The following USP54 variants were observed in gnomAD, a reference collection of about 807,000 sequenced individuals.
USP54 encodes ubiquitin specific peptidase 54, also known as ubiquitin carboxyl-terminal hydrolase 54.
In USP54, 87 loss-of-function variants were observed where a neutral mutation model predicts 170.5. That is an observed-to-expected ratio of 0.51 (90% CI 0.43 to 0.61). The LOEUF is 0.61. Among genes scored for constraint, USP54 ranks in the 20% least tolerant of loss-of-function variants. The pLI is 0.00. For missense variants in USP54, 1,786 were observed against 2,047.8 expected (o/e 0.87, Z 2.47); for synonymous variants, 655 against 742.8 (o/e 0.88, Z 1.92).
chr10:73,524,752 T>C (rs2062558254), intron 16 of USP54, among the ~76,000 whole-genome samples: 1 of 152,172 alleles, frequency 6.6e-6, no homozygotes, highest in South Asian at 2.1e-4. Context: ...GTAGATACTA[T>C]TACCCCCATT....
intron 4 of USP54, among the ~76,000 whole-genome samples, chr10:73,566,644 T>A (rs1344530251): frequency 6.6e-6 from 1 of 151,498 alleles, no homozygotes; most frequent in Non-Finnish European, 1.5e-5. Context: ...GGCAGGAGAA[T>A]CACTTGAACC....
intron 4 of USP54, among the ~76,000 whole-genome samples, chr10:73,548,911 A>C (rs1168878848): frequency 6.6e-6 from 1 of 152,200 alleles, no homozygotes; most frequent in Non-Finnish European, 1.5e-5. Context: ...TAAAATATCC[A>C]AGTTTTATTT....
At chr10:73,550,235 C>T (rs1328510332) in intron 4 of USP54, among the ~76,000 whole-genome samples, 1 of 152,156 alleles carries the variant, frequency 6.6e-6, no homozygotes, top group African/African-American at 2.4e-5. Context: ...TACTATTCTA[C>T]TTCTGGTTCA....
At chr10:73,504,735 C>A in intron 22 of USP54, 115 bp downstream of exon 22, 2 of 1,391,536 alleles carry the variant, frequency 1.4e-6, no homozygotes, top group Non-Finnish European at 2.0e-6. Context: ...GCTGAGTACA[C>A]AGGGCCTTTC....
chr10:73,552,657 G>A (rs2069780760), intron 4 of USP54, among the ~76,000 whole-genome samples: 1 of 151,922 alleles, frequency 6.6e-6, no homozygotes, highest in Non-Finnish European at 1.5e-5. Flanking sequence ...CAGGTGTGGT[G>A]GCAATCACCT....
rs769463961 is a variant in USP54, at chr10:73,523,711, T to C, written c.2234A>G (p.Gln745Arg). 2 of 1,613,820 alleles carry C rather than the reference T, an allele frequency of 1.2e-6. No individual in the cohort carries two copies. The highest frequency in any genetic ancestry group is 2.2e-5 in the East Asian group (1 of 44,868). Residue 745 changes from glutamine (Q) to arginine (R), a missense_variant, in exon 17 of 24, where the codon CAG becomes CGG. Around this residue, in one of 3 missense-constraint regions of USP54, gnomAD observed 1,418 missense variants for 1,569.0 expected, o/e 0.90. Transcript: ENST00000687698. ...CTGCGCCCTCCTGGCCACCTCTTCC[T>C]GCAATTCATCCAGTTCACTTTTAGA... ...ISSKSELDELQEEVARRAQEQ... is the reference protein window; with the variant it reads ...ISSKSELDELREEVARRAQEQ...
At chr10:73,604,624 A>G (rs1213095729) in intron 1 of USP54, among the ~76,000 whole-genome samples, 1 of 143,536 alleles carries the variant, frequency 7.0e-6, no homozygotes, top group Non-Finnish European at 1.5e-5. Context: ...AGAGTCTCGC[A>G]TTGTTGCCGA....
chr10:73,546,055 A>G (rs903678169), intron 4 of USP54, among the ~76,000 whole-genome samples: 4 of 152,242 alleles, frequency 2.6e-5, no homozygotes, highest in African/African-American at 9.6e-5. Context: ...GGTTCATCCT[A>G]TGAATCTTGA....
chr10:73,573,325 T>G (rs2075555216), intron 3 of USP54, among the ~76,000 whole-genome samples: 1 of 151,984 alleles, frequency 6.6e-6, no homozygotes, highest in Non-Finnish European at 1.5e-5. Context: ...GAAAGAAAAC[T>G]AATATGCATC....
Position 73,530,340 on chromosome 10 carries a change from G to A in USP54, c.1631C>T (p.Pro544Leu). 1.2e-6 allele frequency: 2 copies of A among 1,614,114 alleles called. No homozygotes were observed. Among genetic ancestry groups the A allele is most frequent in the Non-Finnish European group, 1.7e-6 (2 of 1,180,018 alleles). The stretch of plus-strand genomic sequence containing the variant: ...AGAGTGTAAAGGCAGGGTCCTAGGA[G>A]GTTTTTTGTCAGGCTGGTCTCCTCC... ...GRGGDQPDKK[P>L]PRTLPLHSRD... The change falls in exon 14 of 24, where the codon CCT becomes CTT. Residue 544 changes from proline (P) to leucine (L), a missense_variant. This residue lies in a region of USP54 where 1,418 missense variants were observed against 1,569.0 expected (regional missense o/e 0.90). Transcript: ENST00000687698.
intron 4 of USP54, among the ~76,000 whole-genome samples, chr10:73,561,695 A>G (rs2073099075): frequency 6.6e-6 from 1 of 152,160 alleles, no homozygotes; most frequent in South Asian, 2.1e-4. Flanking sequence ...AAGTTTTAAA[A>G]TGTTTGTAAT....
chr10:73,545,824 A>G, intron 4 of USP54, 152 bp from the exon 5 acceptor site: 1 of 853,084 alleles, frequency 1.2e-6, no homozygotes, highest in Non-Finnish European at 1.8e-6. Context: ...GTAATTAAAA[A>G]TAAAATCAAG....
chr10:73,543,178 C>A, intron 5 of USP54, 47 bp from the exon 6 acceptor site: 1 of 1,323,626 alleles, frequency 7.6e-7, no homozygotes, highest in Non-Finnish European at 1.1e-6. Context: ...ATTTAATAGA[C>A]AAATACATAA....
Position 73,516,908 on chromosome 10 carries a change from G to A in USP54, c.3518C>T (p.Ser1173Leu). 6.2e-7 allele frequency: 1 copy of A among 1,614,236 alleles called. No homozygotes were observed. Among genetic ancestry groups the A allele is most frequent in the African/African-American group, 1.3e-5 (1 of 75,050 alleles). ...SSPSDSKPPF[S>L]QGQEKGHWPW... ...CCAGTGGCCTTTCTCTTGACCCTGT[G>A]AGAAAGGAGGCTTAGAATCAGAAGG... The change falls in exon 20 of 24, where the codon TCA becomes TTA. Residue 1173 changes from serine to leucine, a missense_variant. Physicochemically the swap from Ser to Leu is moderately radical, Grantham distance 145. Transcript: ENST00000687698.
intron 20 of USP54, among the ~76,000 whole-genome samples, chr10:73,515,538 T>C (rs186083341): frequency 6.6e-6 from 1 of 152,298 alleles, no homozygotes; most frequent in Admixed American, 6.5e-5. Context: ...TGTAGGCATA[T>C]AGTACATTAA....
intron 17 of USP54, 55 bp downstream of exon 17, chr10:73,523,515 CTTAGATGTTTTTT>C: frequency 6.9e-7 from 1 of 1,458,304 alleles, no homozygotes; most frequent in Non-Finnish European, 9.2e-7. Flanking sequence ...AACTTACAAG[CTTAGATGTTTTTT>C]TCTACCCTTT....
At chr10:73,504,737 G>A (rs2058789316) in intron 22 of USP54, 113 bp downstream of exon 22, 4 of 1,403,620 alleles carry the variant, frequency 2.8e-6, no homozygotes, top group Non-Finnish European at 3.9e-6. Context: ...TGAGTACACA[G>A]GGCCTTTCCT....
At chr10:73,577,756 T>C (rs1052322667) in intron 1 of USP54, among the ~76,000 whole-genome samples, 16 of 152,204 alleles carry the variant, frequency 1.1e-4, no homozygotes, top group Admixed American at 2.0e-4. Flanking sequence ...CAAAAGCTCC[T>C]ATTACAGTGC....
Position 73,575,541 on chromosome 10 carries a change from T to C in USP54, c.118A>G (p.Asn40Asp). 1 of 1,613,622 alleles carries C rather than the reference T, an allele frequency of 6.2e-7. No individual in the cohort carries two copies. The highest frequency in any genetic ancestry group is 8.5e-7 in the Non-Finnish European group (1 of 1,179,800). ...AGGGCACTGTTGAGGAAGCAGCTGTTTTGCCCTGGCTCATTGCTGAGGCCT... is the reference window on the plus strand; with the variant it reads ...AGGGCACTGTTGAGGAAGCAGCTGTCTTGCCCTGGCTCATTGCTGAGGCCT... ...SKGLSNEPGQ[N>D]SCFLNSALQV... Residue 40 changes from asparagine to aspartate, a missense_variant, in exon 3 of 24, where the codon AAC becomes GAC. Physicochemically the swap from Asn to Asp is conservative, Grantham distance 23 (BLOSUM62 1). This residue lies in a region of USP54 where 361 missense variants were observed against 455.0 expected (regional missense o/e 0.79). Coordinates refer to ENST00000687698, the MANE Select transcript of USP54 (RefSeq NM_001391956.1).
Sources: allele counts gnomAD v4.1 joint callset (sites outside exome capture counted in the v4.1 genomes callset), GRCh38; gene constraint gnomAD v4.1.1; regional missense constraint gnomAD v4.1.1; transcripts MANE v1.5; gene names NCBI Gene and HGNC (gene_info 2026-07-23, HGNC 2026-07-21).